Variants in PCDH9 observed in about 807,000 individuals in gnomAD.
PCDH9 encodes the protein protocadherin 9, also known as protocadherin-9.
PCDH9 carries 24 observed loss-of-function variants against 70.6 expected under a neutral mutation model. The ratio of observed to expected loss-of-function variants is 0.34; its 90% CI spans 0.25 to 0.48. The LOEUF (loss-of-function observed/expected upper bound fraction) is 0.48. Among genes scored for constraint, PCDH9 ranks in the 20% least tolerant of loss-of-function variants. The pLI is 0.99. For synonymous variants in PCDH9, 562 were observed against 558.5 expected, an observed-to-expected ratio of 1.01 and a Z score of -0.09; for missense variants, 1,281 against 1,503.6, an observed-to-expected ratio of 0.85 and a Z score of 2.45.
At chr13:66,704,852 C>T (rs1005007973) in intron 3 of PCDH9, among the ~76,000 whole-genome samples, 8 of 152,054 alleles carry the variant, frequency 5.3e-5, no homozygotes, top group Admixed American at 6.5e-5. Flanking sequence ...TTTTAAAATA[C>T]ATTTTTCTTC....
At chr13:66,778,266 AAAACTT>A (rs2079933066) in intron 3 of PCDH9, among the ~76,000 whole-genome samples, 1 of 152,084 alleles carries the variant, frequency 6.6e-6, no homozygotes, top group Non-Finnish European at 1.5e-5. Context: ...CACGTACCCT[AAAACTT>A]AAAGTATAAT....
At chr13:66,542,185 C>T (rs1028286568) in intron 4 of PCDH9, among the ~76,000 whole-genome samples, 9 of 152,008 alleles carry the variant, frequency 5.9e-5, no homozygotes, top group Non-Finnish European at 7.4e-5. Flanking sequence ...ATGTAAAGTA[C>T]TCTGTGAAAT....
At chr13:66,474,673 T>C (rs1399955560) in intron 4 of PCDH9, among the ~76,000 whole-genome samples, 1 of 152,134 alleles carries the variant, frequency 6.6e-6, no homozygotes, top group Non-Finnish European at 1.5e-5. Context: ...GCATAAATTT[T>C]ATGTTGATAA....
At chr13:66,968,738 C>G (rs2083469911) in intron 2 of PCDH9, among the ~76,000 whole-genome samples, 1 of 151,942 alleles carries the variant, frequency 6.6e-6, no homozygotes, top group South Asian at 2.1e-4. Context: ...ATCACAACAC[C>G]AGAAACCTCC....
chr13:66,830,801 AG>A (rs1216552653), intron 3 of PCDH9, among the ~76,000 whole-genome samples: 1 of 152,182 alleles, frequency 6.6e-6, no homozygotes, highest in Non-Finnish European at 1.5e-5. Flanking sequence ...AAAAAATTTC[AG>A]GGGGGTCTAG....
chr13:66,750,734 T>C (rs913974952), intron 3 of PCDH9, among the ~76,000 whole-genome samples: 97 of 151,678 alleles, frequency 6.4e-4, no homozygotes, highest in African/African-American at 2.3e-3. Flanking sequence ...TAAAAATGTT[T>C]TCCCAAAAAT....
chr13:66,566,999 T>C (rs1234599619), intron 4 of PCDH9, among the ~76,000 whole-genome samples: 1 of 151,838 alleles, frequency 6.6e-6, no homozygotes, highest in Non-Finnish European at 1.5e-5. Flanking sequence ...ATAGGCAAAA[T>C]AAAAATGATA....
At chr13:66,937,657 T>G (rs998525776) in intron 2 of PCDH9, among the ~76,000 whole-genome samples, 1 of 152,206 alleles carries the variant, frequency 6.6e-6, no homozygotes, top group Non-Finnish European at 1.5e-5. Flanking sequence ...TAGTAGTATA[T>G]GCACTTGTAA....
At position 67,230,172 on chromosome 13, in the gene PCDH9, A is replaced by G. The variant is rs1455241705; in HGVS notation, c.-528T>C. 4 of 152,206 alleles carry G rather than the reference A, an allele frequency of 2.6e-5. No individual in the cohort carries two copies. Among genetic ancestry groups the G allele is most frequent in the Non-Finnish European group, 2.9e-5 (2 of 68,050 alleles). The allele number at this position is 152,206 out of a possible 1,614,324, so 9.4% of individuals were successfully genotyped here. The stretch of plus-strand genomic sequence containing the variant: ...AGGAAACGTCAGAGTTGCGGTGATG[A>G]TGATTCTCTGACAGCTATCCGGGTG... On this transcript the variant is annotated 5_prime_UTR_variant, in exon 1 of 5. Transcript: ENST00000377865.
chr13:67,113,672 C>T (rs983036504), intron 2 of PCDH9, among the ~76,000 whole-genome samples: 5 of 152,060 alleles, frequency 3.3e-5, no homozygotes. Flanking sequence ...CTCAGCCTCC[C>T]GAGTAGCTGG....
At chr13:66,845,348 G>C (rs2081189197) in intron 3 of PCDH9, among the ~76,000 whole-genome samples, 1 of 152,216 alleles carries the variant, frequency 6.6e-6, no homozygotes, top group Non-Finnish European at 1.5e-5. Context: ...CCGTGAGCGT[G>C]TGTTCACCTG....
chr13:66,824,303 GTATATATATATATATA>G (rs60742942), intron 3 of PCDH9, among the ~76,000 whole-genome samples: 7,193 of 128,108 alleles, frequency 0.056, 256 homozygotes, highest in African/African-American at 0.087. Flanking sequence ...TTGTTTGAAA[GTATATATATATATATA>G]TATATATATA....
intron 2 of PCDH9, among the ~76,000 whole-genome samples, chr13:67,123,149 G>A (rs1455770374): frequency 6.6e-6 from 1 of 152,086 alleles, no homozygotes; most frequent in Non-Finnish European, 1.5e-5. Context: ...GCATGTTATA[G>A]CAAATACCCT....
chr13:66,754,331 C>A lies in PCDH9; in HGVS notation c.3139-122920G>T, dbSNP rs201808925. 2.8e-4 allele frequency among the ~76,000 whole-genome samples: 42 copies of A among 151,986 alleles called. No homozygotes were observed. In the East Asian group the frequency reaches 6.2e-3, roughly 22 times the overall value. Reference sequence around the variant, plus strand: ...CCATGGCACATGTATACCTATGTAACAAACCTGCACATTCTGCACATGTAT... The same window carrying A: ...CCATGGCACATGTATACCTATGTAAAAAACCTGCACATTCTGCACATGTAT... On this transcript the variant is annotated intron_variant, in intron 3 of 4. Transcript: ENST00000377865.
At chr13:66,378,421 T>C (rs1190411627) in intron 4 of PCDH9, among the ~76,000 whole-genome samples, 4 of 152,164 alleles carry the variant, frequency 2.6e-5, no homozygotes, top group Non-Finnish European at 5.9e-5. Flanking sequence ...GGACAATGAA[T>C]AATCTCTCTG....
chr13:66,904,268 G>T (rs1195458103), intron 2 of PCDH9, among the ~76,000 whole-genome samples: 2 of 151,954 alleles, frequency 1.3e-5, no homozygotes, highest in African/African-American at 4.8e-5. Context: ...TAGAACATAA[G>T]ATATTACATT....
chr13:67,150,586 A>C (rs759853855), intron 2 of PCDH9, among the ~76,000 whole-genome samples: 1 of 152,232 alleles, frequency 6.6e-6, no homozygotes, highest in African/African-American at 2.4e-5. Context: ...CCCTAATAAT[A>C]AGTATTTTAA....
chr13:67,175,749 T>C (rs1594614827), intron 2 of PCDH9, among the ~76,000 whole-genome samples: 1 of 152,174 alleles, frequency 6.6e-6, no homozygotes, highest in Non-Finnish European at 1.5e-5. Context: ...TCTGTAACTG[T>C]CTAAACTCAC....
intron 2 of PCDH9, 113 bp from the exon 3 acceptor site, chr13:66,903,718 G>A (rs2082314198): frequency 4.0e-6 from 2 of 496,718 alleles, no homozygotes; most frequent in Non-Finnish European, 7.4e-6. Flanking sequence ...GAGCTAACAA[G>A]GGTCCACACC....
Sources: allele counts gnomAD v4.1 joint callset (sites outside exome capture counted in the v4.1 genomes callset), GRCh38; gene constraint gnomAD v4.1.1; transcripts MANE v1.5; gene names NCBI Gene and HGNC (gene_info 2026-07-23, HGNC 2026-07-21).